Variants in RUBCN observed in about 807,000 individuals in gnomAD.
RUBCN encodes the protein rubicon autophagy regulator.
RUBCN carries 74 observed loss-of-function variants against 113.2 expected under a neutral mutation model. The observed-to-expected ratio is 0.65, with a 90% CI of 0.54 to 0.79. The LOEUF (loss-of-function observed/expected upper bound fraction) is 0.79. RUBCN is among the 30% of genes least tolerant of loss of function. The pLI, the probability that RUBCN is intolerant of heterozygous loss-of-function variation, is 0.00. For synonymous variants in RUBCN, 480 were observed against 490.0 expected, an observed-to-expected ratio of 0.98 and a Z score of 0.27; for missense variants, 1,109 against 1,251.7, an observed-to-expected ratio of 0.89 and a Z score of 1.72.
rs144991065 is a variant in RUBCN at position 197,716,294 on chromosome 3, A to C, written c.219+1683T>G. The stretch of plus-strand genomic sequence containing the variant: ...AGGTGCGCGCCACCACGCCCGGCTA[A>C]TTTTTGTAATTTTAGTAGATACAGA... On this transcript the variant is annotated intron_variant, in intron 2 of 19. Coordinates refer to ENST00000296343, the MANE Select transcript of RUBCN (RefSeq NM_014687.4). Among the ~76,000 whole-genome samples the C allele has an allele frequency of 1.1e-3, 168 of 152,256 alleles. 1 individual carries two copies. Among genetic ancestry groups the C allele is most frequent in the African/African-American group, 3.7e-3 (154 of 41,544 alleles).
At chr3:197,689,220 G>A (rs1722166387) in intron 11 of RUBCN, among the ~76,000 whole-genome samples, 1 of 151,760 alleles carries the variant, frequency 6.6e-6, no homozygotes, top group Non-Finnish European at 1.5e-5. Flanking sequence ...TAGAGATGGG[G>A]TCTCACTATG....
chr3:197,734,284 C>T (rs1001533810), intron 1 of RUBCN, among the ~76,000 whole-genome samples: 1 of 150,464 alleles, frequency 6.6e-6, no homozygotes, highest in African/African-American at 2.4e-5. Context: ...AGTGCAGTCT[C>T]TTGGGCCGGC....
At position 197,677,180 on chromosome 3, in the gene RUBCN, C is replaced by T. The variant is rs73087560; in HGVS notation, c.2493-142G>A. On this transcript the variant is annotated intron_variant, in intron 17 of 19. Coordinates refer to ENST00000296343, the MANE Select transcript of RUBCN (RefSeq NM_014687.4). ...GCCCAAGGTTCCAGGCCGCCGCAGC[C>T]GTTCCACGCTATTAGGTGTCTGGAT... 78 of 919,548 alleles carry T rather than the reference C, an allele frequency of 8.5e-5. No individual in the cohort carries two copies. In the African/African-American group the frequency reaches 1.0e-3, roughly 12 times the overall value. The allele number at this position is 919,548 out of a possible 1,614,324, so 57.0% of individuals were successfully genotyped here.
intron 11 of RUBCN, among the ~76,000 whole-genome samples, chr3:197,687,410 T>C (rs999777276): frequency 9.9e-5 from 15 of 152,258 alleles, no homozygotes; most frequent in Non-Finnish European, 1.9e-4. Context: ...ATCAATTTAT[T>C]GTCTTTCAAC....
In RUBCN at chr3:197,675,316, C is replaced by T. The variant is rs563376905; in HGVS notation, c.2740+106G>A. The T allele has an allele frequency of 2.7e-4, 414 of 1,507,170 alleles. 1 individual carries two copies. In the African/African-American group the frequency reaches 4.8e-3, roughly 17 times the overall value. The allele number at this position is 1,507,170 out of a possible 1,614,324, so 93.4% of individuals were successfully genotyped here. A position where few individuals can be genotyped will look rare whatever the true frequency, so the allele number is the denominator to read the frequency against. ...GGCGTGGTGTCCCCTGGGGAGGCCC[C>T]GCGAGGTGCTGAGTGGCACCGAACT... On this transcript the variant is annotated intron_variant, in intron 19 of 19. Coordinates refer to ENST00000296343, the MANE Select transcript of RUBCN (RefSeq NM_014687.4). This position sits in a 1 kb window ranked among gnomAD's most constrained non-coding sequence, Gnocchi z 4.4.
In RUBCN at chr3:197,675,168, G is replaced by A. The variant is rs1560395216; in HGVS notation, c.2769C>T (p.Cys923=). The change falls in exon 20 of 20, where the codon TGC becomes TGT. Residue 923 remains cysteine, a synonymous_variant. Coordinates refer to ENST00000296343, the MANE Select transcript of RUBCN (RefSeq NM_014687.4). The surrounding 1 kb of genome is among the most constrained non-coding windows in gnomAD (Gnocchi z 4.4). The part of the protein sequence containing the change: ...EECKACYHKA[C]FKSGSCPRCE... ...AGCGCGGACAGCTTCCAGACTTGAA[G>A]CAGGCTTTATGGTAACACGCTTTAC... The A allele has an allele frequency of 2.5e-6, 4 of 1,614,018 alleles. No homozygotes were observed. The highest frequency in any genetic ancestry group is 1.6e-4 in the Middle Eastern group (1 of 6,084).
chr3:197,676,939 C>T lies in RUBCN; in HGVS notation c.2592G>A (p.Gly864=), dbSNP rs749605778. Residue 864 remains glycine, a synonymous_variant, in exon 18 of 20, where the codon GGG becomes GGA. Transcript: ENST00000296343. ...CCCTGGTGAGCTCAGCAAGCCGGGG[C>T]CCCAGCTCCCCCTTCCTGGTCGCAG... The part of the protein sequence containing the change: ...DLTATRKGEL[G]PRLAELTRAG... The T allele has an allele frequency of 1.2e-6, 2 of 1,614,204 alleles. No homozygotes were observed. The highest frequency in any genetic ancestry group is 8.5e-7 in the Non-Finnish European group (1 of 1,180,038).
At chr3:197,727,659 T>C (rs907765217) in intron 1 of RUBCN, among the ~76,000 whole-genome samples, 3 of 152,176 alleles carry the variant, frequency 2.0e-5, no homozygotes, top group Admixed American at 2.0e-4. Context: ...GTCCTCTCAC[T>C]GAAGTAGGAA....
Position 197,683,242 on chromosome 3 carries a change from G to A in RUBCN, c.1980+65C>T, listed in dbSNP as rs1318867369. The A allele has an allele frequency of 8.1e-6, 13 of 1,599,662 alleles. No homozygotes were observed. The highest frequency in any genetic ancestry group is 5.5e-5 in the South Asian group (5 of 90,730). On this transcript the variant is annotated intron_variant, in intron 13 of 19. Transcript: ENST00000296343. The surrounding 1 kb of genome is among the most constrained non-coding windows in gnomAD (Gnocchi z 4.6). Reference sequence around the variant, plus strand: ...TCATTCCAGACTAGGGACATGTGACGAAGGAAAACAAGGTCACAGAGGCTC... The same window carrying A: ...TCATTCCAGACTAGGGACATGTGACAAAGGAAAACAAGGTCACAGAGGCTC...
intron 1 of RUBCN, among the ~76,000 whole-genome samples, chr3:197,731,218 A>G (rs1413858253): frequency 1.3e-5 from 2 of 152,112 alleles, no homozygotes. Context: ...GCTGCCTTCA[A>G]GCATCTGTTT....
At chr3:197,707,120 G>A (rs1328275355) in intron 2 of RUBCN, among the ~76,000 whole-genome samples, 22 of 143,066 alleles carry the variant, frequency 1.5e-4, no homozygotes, top group African/African-American at 6.7e-4. Context: ...GAGGCAGGCA[G>A]ATCACGAGGT....
upstream of RUBCN, among the ~76,000 whole-genome samples, chr3:197,739,527 A>C (rs1040889143): frequency 6.7e-6 from 1 of 148,910 alleles, no homozygotes; most frequent in African/African-American, 2.5e-5. Context: ...CCCCGTCTCT[A>C]CTAAAAATAC....
At chr3:197,744,461 T>C (rs1483055112) in intron 1 of RUBCN, among the ~76,000 whole-genome samples, 1 of 152,212 alleles carries the variant, frequency 6.6e-6, no homozygotes, top group Non-Finnish European at 1.5e-5. Flanking sequence ...ACTCAGCATT[T>C]ATTCATGATT....
intron 11 of RUBCN, among the ~76,000 whole-genome samples, chr3:197,689,826 C>T (rs79660735): frequency 0.01 from 1,534 of 152,216 alleles, 16 homozygotes; most frequent in South Asian, 0.042. Context: ...GGGAATACTT[C>T]GAATCTCTTC....
At chr3:197,721,238 G>C (rs929489534) in intron 1 of RUBCN, among the ~76,000 whole-genome samples, 3 of 152,100 alleles carry the variant, frequency 2.0e-5, no homozygotes, top group African/African-American at 7.2e-5. Context: ...ACAACATCGG[G>C]CCCTGGGCTT....
chr3:197,700,022 T>G (rs1723461154), intron 7 of RUBCN, among the ~76,000 whole-genome samples: 2 of 151,996 alleles, frequency 1.3e-5, no homozygotes, highest in African/African-American at 4.8e-5. Context: ...TCCCCACGAG[T>G]AGGCTGCCCC....
intron 2 of RUBCN, among the ~76,000 whole-genome samples, chr3:197,706,368 A>G (rs567478312): frequency 5.3e-5 from 8 of 152,312 alleles, no homozygotes; most frequent in African/African-American, 1.9e-4. Flanking sequence ...TTAAAAATAT[A>G]TAGAGCTAGC....
chr3:197,732,253 A>G (rs918169223), intron 1 of RUBCN, among the ~76,000 whole-genome samples: 1 of 152,196 alleles, frequency 6.6e-6, no homozygotes, highest in African/African-American at 2.4e-5. Context: ...CTGCATGGCC[A>G]AGGCGGTCTA....
chr3:197,712,170 A>G (rs1725034605), intron 2 of RUBCN, among the ~76,000 whole-genome samples: 1 of 152,172 alleles, frequency 6.6e-6, no homozygotes, highest in Non-Finnish European at 1.5e-5. Context: ...TCAGCTGAGC[A>G]ATCTCAGGGG....
Sources: allele counts gnomAD v4.1 joint callset (sites outside exome capture counted in the v4.1 genomes callset), GRCh38; gene constraint gnomAD v4.1.1; non-coding constraint Gnocchi (gnomAD v3.1); transcripts MANE v1.5; gene names NCBI Gene and HGNC (gene_info 2026-07-23, HGNC 2026-07-21).